The following MOV10 variants were observed in gnomAD, a reference collection of about 807,000 sequenced individuals.
MOV10 encodes the protein Mov10 RNA helicase.
MOV10 carries 39 observed loss-of-function variants against 108.4 expected under a neutral mutation model. The ratio of observed to expected loss-of-function variants is 0.36; its 90% CI spans 0.28 to 0.47. MOV10 has a LOEUF of 0.47. Among genes scored for constraint, MOV10 ranks in the 20% least tolerant of loss-of-function variants. MOV10 has a pLI of 1.00. For missense variants in MOV10, 952 were observed against 1,297.6 expected, an observed-to-expected ratio of 0.73 and a Z score of 4.09; for synonymous variants, 490 against 523.1, an observed-to-expected ratio of 0.94 and a Z score of 0.86.
intron 11 of MOV10, 55 bp downstream of exon 11, chr1:112,695,629 G>T: frequency 6.4e-7 from 1 of 1,570,214 alleles, no homozygotes; most frequent in East Asian, 2.3e-5. Context: ...AGGCTCTCAG[G>T]GCAGACACTG....
chr1:112,700,274 A>T lies in MOV10; in HGVS notation c.2854A>T (p.Lys952Ter). Residue 952 changes from lysine (K) to a stop codon, truncating the protein, a stop_gained, in exon 20 of 21, where the codon AAA (lysine) becomes TAA (stop). Transcript: ENST00000369645. LOFTEE classifies it high-confidence loss of function. ...GGYTGCPFPA[K>*]LDLQQGQNLL... ...GTATACCGGGTGTCCCTTCCCTGCC[A>T]AACTGGACCTGCAACAGGGACAGAA... 1.9e-6 allele frequency: 3 copies of T among 1,614,206 alleles called. No homozygotes were observed. The highest frequency in any genetic ancestry group is 2.5e-6 in the Non-Finnish European group (3 of 1,180,026).
At chr1:112,693,372 T>C (rs1557764994) in intron 7 of MOV10, among the ~76,000 whole-genome samples, 1 of 152,132 alleles carries the variant, frequency 6.6e-6, no homozygotes, top group Admixed American at 6.6e-5. Context: ...GAACAAGTTT[T>C]TTGTTGTTGT....
chr1:112,696,596 T>C, intron 13 of MOV10, 34 bp from the exon 14 acceptor site: 1 of 1,612,892 alleles, frequency 6.2e-7, no homozygotes, highest in South Asian at 1.1e-5. Context: ...GTTGCACCAC[T>C]TACCTTTCTT....
intron 2 of MOV10, chr1:112,684,972 T>C (rs556523864): frequency 5.9e-5 from 9 of 152,184 alleles, no homozygotes; most frequent in Non-Finnish European, 1.0e-4. Flanking sequence ...TGAATGTGTT[T>C]ATATTACCTT....
intron 3 of MOV10, 125 bp downstream of exon 3, chr1:112,689,263 G>A: frequency 8.1e-7 from 1 of 1,231,222 alleles, no homozygotes; most frequent in Non-Finnish European, 1.2e-6. Context: ...AGGGAATGGG[G>A]GAAGGGCAGG....
chr1:112,693,801 C>T (rs1570795050), intron 7 of MOV10: 1 of 461,878 alleles, frequency 2.2e-6, no homozygotes, highest in East Asian at 3.6e-5. Context: ...CTGGGCTCGG[C>T]ATCTCTGGGC....
chr1:112,676,703 C>T (rs1451077880), intron 2 of MOV10, among the ~76,000 whole-genome samples: 1 of 152,038 alleles, frequency 6.6e-6, no homozygotes, highest in Non-Finnish European at 1.5e-5. Flanking sequence ...ACATCAAAGG[C>T]GGGAATGAGG....
At chr1:112,692,623 G>A in intron 6 of MOV10, 138 bp from the exon 7 acceptor site, 2 of 1,223,010 alleles carry the variant, frequency 1.6e-6, no homozygotes, top group Non-Finnish European at 2.2e-6. Context: ...ATCCACTTCT[G>A]TATCCCTCTA....
intron 2 of MOV10, among the ~76,000 whole-genome samples, chr1:112,676,191 CTT>C (rs897592214): frequency 1.3e-5 from 2 of 152,068 alleles, no homozygotes; most frequent in African/African-American, 4.8e-5. Flanking sequence ...TATGGGGACT[CTT>C]AAGATGAAAA....
chr1:112,682,343 C>T (rs1672725275), intron 2 of MOV10, among the ~76,000 whole-genome samples: 1 of 152,172 alleles, frequency 6.6e-6, no homozygotes. Flanking sequence ...CCCACCTCAG[C>T]CTCCTGAGTA....
At position 112,700,275 on chromosome 1, in the gene MOV10, A is replaced by C. The variant is rs114753027; in HGVS notation, c.2855A>C (p.Lys952Thr). ...TATACCGGGTGTCCCTTCCCTGCCAAACTGGACCTGCAACAGGGACAGAAT... is the reference window on the plus strand; with the variant it reads ...TATACCGGGTGTCCCTTCCCTGCCACACTGGACCTGCAACAGGGACAGAAT... ...GGYTGCPFPA[K>T]LDLQQGQNLL... Residue 952 changes from lysine (K) to threonine (T), a missense_variant, in exon 20 of 21, where the codon AAA becomes ACA. Lys to Thr is a moderately conservative substitution (Grantham distance 78). Around this residue, in one of 5 missense-constraint regions of MOV10, gnomAD observed 65 missense variants for 124.3 expected, o/e 0.52. Coordinates refer to ENST00000369645, the MANE Select transcript of MOV10 (RefSeq NM_001321324.2). The C allele has an allele frequency of 6.2e-7, 1 of 1,614,158 alleles. No homozygotes were observed. Among genetic ancestry groups the C allele is most frequent in the East Asian group, 2.2e-5 (1 of 44,886 alleles).
intron 2 of MOV10, among the ~76,000 whole-genome samples, chr1:112,685,556 G>A (rs923362430): frequency 1.3e-5 from 2 of 151,768 alleles, no homozygotes; most frequent in African/African-American, 4.8e-5. Flanking sequence ...TTAGGAGGCT[G>A]AGGCAGGAGA....
At chr1:112,686,962 AC>A in intron 2 of MOV10, 1 of 456,454 alleles carries the variant, frequency 2.2e-6, no homozygotes, top group African/African-American at 2.0e-5. Context: ...CTCCCTGCCT[AC>A]AGTCTTGCCT....
chr1:112,682,190 C>T (rs975752816), intron 2 of MOV10, among the ~76,000 whole-genome samples: 7 of 152,138 alleles, frequency 4.6e-5, no homozygotes, highest in Admixed American at 3.3e-4. Flanking sequence ...CCATCGCGCC[C>T]GGCCATGGGT....
intron 14 of MOV10, 57 bp downstream of exon 14, chr1:112,696,903 A>G: frequency 7.2e-7 from 1 of 1,391,912 alleles, no homozygotes; most frequent in Non-Finnish European, 9.9e-7. Flanking sequence ...TCCTGCATGC[A>G]GACCCCACTG....
intron 2 of MOV10, among the ~76,000 whole-genome samples, chr1:112,682,504 G>C (rs1454848180): frequency 2.0e-5 from 3 of 152,226 alleles, no homozygotes; most frequent in Non-Finnish European, 4.4e-5. Context: ...TTTGCAAACA[G>C]CAAAATGTTC....
At chr1:112,689,244 C>G (rs1673343954) in intron 3 of MOV10, 106 bp downstream of exon 3, 2 of 1,320,288 alleles carry the variant, frequency 1.5e-6, no homozygotes, top group East Asian at 5.0e-5. Context: ...GAATAAGTCC[C>G]CCTCCTTCAG....
rs559189979 is a variant in MOV10 at position 112,674,827 on chromosome 1, C to T, written c.-65-21C>T. The T allele has an allele frequency of 1.4e-4, 201 of 1,423,154 alleles. 1 individual carries two copies. Among genetic ancestry groups the T allele is most frequent in the Non-Finnish European group, 1.9e-4 (198 of 1,066,056 alleles). The allele number at this position is 1,423,154 out of a possible 1,614,324, so 88.2% of individuals were successfully genotyped here. On this transcript the variant is annotated intron_variant, in intron 1 of 20. Coordinates refer to ENST00000369645, the MANE Select transcript of MOV10 (RefSeq NM_001321324.2). ...GGCTTCCCTCCTGCTGCACCCTCAT[C>T]TCAGGGCCGCCAACTTCCAGCTGCA...
Position 112,694,264 on chromosome 1 carries a change from C to T in MOV10, c.1295+92C>T. On this transcript the variant is annotated intron_variant, in intron 8 of 20. Coordinates refer to ENST00000369645, the MANE Select transcript of MOV10 (RefSeq NM_001321324.2). This position sits in a 1 kb window ranked among gnomAD's most constrained non-coding sequence, Gnocchi z 4.1. ...GTGTTTCTCCCTGAGATAAATGAGA[C>T]CCCGGGGCAGAGCAGGAGACTTTTC... is the stretch of plus-strand genomic sequence containing the variant. The T allele has an allele frequency of 6.6e-7, 1 of 1,526,622 alleles. No homozygotes were observed. The highest frequency in any genetic ancestry group is 9.0e-7 in the Non-Finnish European group (1 of 1,108,378). 94.6% of individuals were successfully genotyped at this position (1,526,622 alleles called of 1,614,324 possible). A position where few individuals can be genotyped will look rare whatever the true frequency, so the allele number is the denominator to read the frequency against.
Sources: allele counts gnomAD v4.1 joint callset (sites outside exome capture counted in the v4.1 genomes callset), GRCh38; gene constraint gnomAD v4.1.1; regional missense constraint gnomAD v4.1.1; non-coding constraint Gnocchi (gnomAD v3.1); transcripts MANE v1.5; gene names NCBI Gene and HGNC (gene_info 2026-07-23, HGNC 2026-07-21).